The following PLEKHH2 variants were observed in gnomAD, a reference collection of about 807,000 sequenced individuals.
PLEKHH2 encodes the protein pleckstrin homology domain-containing family H member 2.
A neutral mutation model predicts 187.9 loss-of-function variants in PLEKHH2; 129 were observed. That is an observed-to-expected ratio of 0.69 (90% CI 0.59 to 0.79). PLEKHH2 has a LOEUF of 0.79. Among genes scored for constraint, PLEKHH2 ranks in the 30% least tolerant of loss-of-function variants. The pLI is 0.00. For synonymous variants in PLEKHH2, 686 were observed against 605.6 expected, an observed-to-expected ratio of 1.13 and a Z score of -1.95; for missense variants, 2,076 against 1,751.2, an observed-to-expected ratio of 1.19 and a Z score of -3.31.
intron 19 of PLEKHH2, among the ~76,000 whole-genome samples, chr2:43,735,782 G>A (rs1466318328): frequency 6.6e-6 from 1 of 152,162 alleles, no homozygotes; most frequent in African/African-American, 2.4e-5. Flanking sequence ...AGGAAATCAA[G>A]GATGGCTAAG....
At chr2:43,657,477 G>A (rs1310770228) in intron 2 of PLEKHH2, among the ~76,000 whole-genome samples, 1 of 152,168 alleles carries the variant, frequency 6.6e-6, no homozygotes, top group African/African-American at 2.4e-5. Flanking sequence ...AAGAGCAAGT[G>A]GAAGCTGCAA....
chr2:43,757,146 T>C lies in PLEKHH2; in HGVS notation c.3823T>C (p.Phe1275Leu), dbSNP rs1672242620. ...QVEIGDFERPFSTPAGHVTNQ... is the reference protein window; with the variant it reads ...QVEIGDFERPLSTPAGHVTNQ... ...AGAGATTGGAGATTTTGAAAGACCTTTCTCAACTCCAGCAGGGCATGTTAC... is the reference window on the plus strand; with the variant it reads ...AGAGATTGGAGATTTTGAAAGACCTCTCTCAACTCCAGCAGGGCATGTTAC... The change falls in exon 26 of 30, where the codon TTC becomes CTC. Residue 1275 changes from phenylalanine to leucine, a missense_variant. Transcript: ENST00000282406. 1.3e-6 allele frequency: 2 copies of C among 1,588,004 alleles called. No homozygotes were observed. Among genetic ancestry groups the C allele is most frequent in the African/African-American group, 2.7e-5 (2 of 73,352 alleles).
In PLEKHH2 at chr2:43,710,581, TA is replaced by T; in HGVS notation, c.2301+8del. 6.7e-7 allele frequency: 1 copy of T among 1,501,860 alleles called. No homozygotes were observed. Among genetic ancestry groups the T allele is most frequent in the Non-Finnish European group, 8.9e-7 (1 of 1,120,308 alleles). The allele number at this position is 1,501,860 out of a possible 1,614,324, so 93.0% of individuals were successfully genotyped here. On this transcript the variant is annotated splice_region_variant and intron_variant, in intron 14 of 29. Coordinates refer to ENST00000282406, the MANE Select transcript of PLEKHH2 (RefSeq NM_172069.4). ...ATAACAAACAAACAGTTCAGGTACT[TA>T]ACTTTTTTTTTTTTTTTTTTTTTTT...
intron 15 of PLEKHH2, among the ~76,000 whole-genome samples, chr2:43,718,297 T>A (rs547025848): frequency 3.0e-4 from 46 of 152,188 alleles, no homozygotes; most frequent in African/African-American, 1.0e-3. Context: ...CCCAGCACTT[T>A]GGGAGGCCGA....
At chr2:43,735,073 C>T (rs1671223924) in intron 19 of PLEKHH2, among the ~76,000 whole-genome samples, 1 of 151,994 alleles carries the variant, frequency 6.6e-6, no homozygotes, top group Non-Finnish European at 1.5e-5. Flanking sequence ...TCCTGTAATC[C>T]CAGCTACTAG....
At chr2:43,692,481 AC>A in intron 3 of PLEKHH2, 32 bp from the exon 4 acceptor site, 3 of 1,511,438 alleles carry the variant, frequency 2.0e-6, no homozygotes, top group Non-Finnish European at 2.7e-6. Flanking sequence ...CTGAGTACAC[AC>A]ACAATTTTAA....
intron 16 of PLEKHH2, among the ~76,000 whole-genome samples, chr2:43,725,051 A>G (rs1670671258): frequency 6.6e-6 from 1 of 152,222 alleles, no homozygotes; most frequent in South Asian, 2.1e-4. Flanking sequence ...GCCAATTTGT[A>G]GTAAAGATGT....
intron 2 of PLEKHH2, among the ~76,000 whole-genome samples, chr2:43,667,724 T>A (rs1300417965): frequency 6.6e-6 from 1 of 152,206 alleles, no homozygotes; most frequent in Non-Finnish European, 1.5e-5. Flanking sequence ...TCATATGAAA[T>A]ATTCAGAATA....
intron 8 of PLEKHH2, 51 bp downstream of exon 8, chr2:43,700,659 C>A (rs750010628): frequency 1.2e-5 from 19 of 1,521,042 alleles, no homozygotes; most frequent in Admixed American, 7.9e-5. Flanking sequence ...TTTCTCAACA[C>A]TTTTTTTTTC....
Position 43,740,974 on chromosome 2 carries a change from G to A in PLEKHH2, c.3152G>A (p.Gly1051Glu), listed in dbSNP as rs755165545. The part of the protein sequence containing the change: ...QGWQLLALCV[G>E]LFLPHHPFLW... Reference sequence around the variant, plus strand: ...TGGCAGCTCTTGGCACTCTGCGTTGGGCTCTTCCTTCCCCATCATCCTTTC... The same window carrying A: ...TGGCAGCTCTTGGCACTCTGCGTTGAGCTCTTCCTTCCCCATCATCCTTTC... Residue 1051 changes from glycine (G) to glutamate (E), a missense_variant, in exon 21 of 30, where the codon GGG becomes GAG. By Grantham distance (98) the Gly-to-Glu change is moderately conservative. Transcript: ENST00000282406. 6.2e-7 allele frequency: 1 copy of A among 1,613,912 alleles called. No homozygotes were observed. Among genetic ancestry groups the A allele is most frequent in the Non-Finnish European group, 8.5e-7 (1 of 1,179,938 alleles).
At chr2:43,707,734 C>G (rs1049586696) in intron 11 of PLEKHH2, among the ~76,000 whole-genome samples, 189 bp downstream of exon 11, 1 of 138,490 alleles carries the variant, frequency 7.2e-6, no homozygotes, top group Non-Finnish European at 1.5e-5. Flanking sequence ...TGATTTCAGA[C>G]AAATTATATA....
At chr2:43,658,113 T>A (rs1666882933) in intron 2 of PLEKHH2, among the ~76,000 whole-genome samples, 1 of 152,236 alleles carries the variant, frequency 6.6e-6, no homozygotes, top group Non-Finnish European at 1.5e-5. Flanking sequence ...TTTTTTAAAA[T>A]AAAACATATA....
chr2:43,756,189 A>T (rs1672204326), intron 25 of PLEKHH2, among the ~76,000 whole-genome samples: 1 of 152,182 alleles, frequency 6.6e-6, no homozygotes, highest in Non-Finnish European at 1.5e-5. Context: ...GTATGAACAC[A>T]ATAACATGGA....
chr2:43,706,524 C>T, intron 10 of PLEKHH2, 108 bp downstream of exon 10: 1 of 790,870 alleles, frequency 1.3e-6, no homozygotes, highest in East Asian at 2.5e-5. Flanking sequence ...CACAGGCTCT[C>T]CCTTTATAGA....
intron 20 of PLEKHH2, among the ~76,000 whole-genome samples, chr2:43,738,867 C>T (rs1156326404): frequency 6.6e-6 from 1 of 152,010 alleles, no homozygotes; most frequent in Non-Finnish European, 1.5e-5. Flanking sequence ...ATATTTTTTC[C>T]TATAATAAAT....
chr2:43,679,040 G>A (rs1043858236), intron 3 of PLEKHH2, 115 bp downstream of exon 3: 2 of 576,600 alleles, frequency 3.5e-6, no homozygotes, highest in South Asian at 3.5e-5. Flanking sequence ...CTTTTTGACT[G>A]TTCATAGCTT....
intron 24 of PLEKHH2, among the ~76,000 whole-genome samples, chr2:43,750,625 C>T (rs1213931512): frequency 1.3e-5 from 2 of 152,212 alleles, no homozygotes; most frequent in Non-Finnish European, 2.9e-5. Context: ...TGTATGCATT[C>T]TTACATAATC....
chr2:43,734,894 G>T (rs1176526343), intron 19 of PLEKHH2, among the ~76,000 whole-genome samples: 1 of 152,214 alleles, frequency 6.6e-6, no homozygotes, highest in African/African-American at 2.4e-5. Context: ...CGGGCCAGTG[G>T]CTCAGGCCTG....
chr2:43,754,201 C>CA (rs1282544786), intron 25 of PLEKHH2, among the ~76,000 whole-genome samples: 3,347 of 115,114 alleles, frequency 0.029, 74 homozygotes, highest in Non-Finnish European at 0.037. Context: ...CACACACACA[C>CA]ACACAAAATT....
Sources: gnomAD v4.1 joint callset for allele counts (sites outside exome capture counted in the v4.1 genomes callset) on GRCh38, gnomAD v4.1.1 for gene constraint, MANE v1.5 for transcripts, NCBI Gene and HGNC (gene_info 2026-07-23, HGNC 2026-07-21) for gene names.